LRRTM4: variants seen among roughly 807,000 people sequenced by gnomAD.
The protein encoded by LRRTM4 is leucine-rich repeat transmembrane neuronal protein 4.
LRRTM4 carries 25 observed loss-of-function variants against 47.6 expected under a neutral mutation model. The ratio of observed to expected loss-of-function variants is 0.53; its 90% CI spans 0.38 to 0.73. The LOEUF is 0.73. Ranked by LOEUF, LRRTM4 falls within the 30% of genes least tolerant of loss-of-function variation. The pLI is 0.00. For synonymous variants in LRRTM4, 311 were observed against 269.5 expected (o/e 1.15, Z -1.51); for missense variants, 638 against 713.4 (o/e 0.89, Z 1.20).
At chr2:77,467,080 T>C (rs974096765) in intron 3 of LRRTM4, among the ~76,000 whole-genome samples, 7 of 152,182 alleles carry the variant, frequency 4.6e-5, no homozygotes, top group African/African-American at 1.7e-4. Context: ...ACATGCTAAC[T>C]TTTTGTTTAA....
chr2:76,875,783 A>G (rs542914437), intron 3 of LRRTM4, among the ~76,000 whole-genome samples: 12 of 152,302 alleles, frequency 7.9e-5, no homozygotes, highest in Non-Finnish European at 1.8e-4. Flanking sequence ...ATGGTTTGCC[A>G]GATCTTGCTA....
chr2:77,136,175 C>A (rs576384003), intron 3 of LRRTM4, among the ~76,000 whole-genome samples: 3 of 152,234 alleles, frequency 2.0e-5, no homozygotes, highest in East Asian at 3.9e-4. Flanking sequence ...GGACAGACTG[C>A]CTCCTCAAGT....
intron 3 of LRRTM4, among the ~76,000 whole-genome samples, chr2:77,453,068 T>C (rs757292644): frequency 1.3e-5 from 2 of 149,204 alleles, no homozygotes; most frequent in South Asian, 2.1e-4. Context: ...TTATTACTGA[T>C]ATTATTTAAA....
intron 3 of LRRTM4, among the ~76,000 whole-genome samples, chr2:77,045,948 A>C (rs1211701657): frequency 1.3e-5 from 2 of 151,936 alleles, no homozygotes; most frequent in African/African-American, 4.8e-5. Flanking sequence ...TGATTGTTAT[A>C]TCTCTTAAGA....
chr2:77,140,229 A>T (rs1279947984), intron 3 of LRRTM4, among the ~76,000 whole-genome samples: 1 of 152,206 alleles, frequency 6.6e-6, no homozygotes, highest in Non-Finnish European at 1.5e-5. Flanking sequence ...AAACTATACT[A>T]AAATGCTATA....
At chr2:77,517,285 T>C (rs965209773) in intron 3 of LRRTM4, 1 of 983,092 alleles carries the variant, frequency 1.0e-6, no homozygotes, top group Non-Finnish European at 1.2e-6. Context: ...TAATATAACA[T>C]GGAAGGTACA....
At chr2:76,800,203 T>C (rs1410540501) in intron 3 of LRRTM4, among the ~76,000 whole-genome samples, 1 of 146,834 alleles carries the variant, frequency 6.8e-6, no homozygotes, top group Non-Finnish European at 1.5e-5. Context: ...CTTCAAACTA[T>C]ACTACAAGGC....
chr2:77,425,262 T>C (rs1675061655), intron 3 of LRRTM4, among the ~76,000 whole-genome samples: 1 of 152,194 alleles, frequency 6.6e-6, no homozygotes. Context: ...ATTCAGTCTC[T>C]CCATTTCCTG....
At chr2:77,124,318 A>C (rs911883246) in intron 3 of LRRTM4, among the ~76,000 whole-genome samples, 1 of 152,048 alleles carries the variant, frequency 6.6e-6, no homozygotes, top group African/African-American at 2.4e-5. Flanking sequence ...ACAGGAACCA[A>C]GTTAAATACA....
intron 3 of LRRTM4, among the ~76,000 whole-genome samples, chr2:77,086,223 T>G (rs73940296): frequency 0.18 from 27,131 of 151,932 alleles, 3,758 homozygotes; most frequent in East Asian, 0.42. Flanking sequence ...AAGTAGAAAC[T>G]GTTATGTTTA....
At chr2:77,287,376 C>T (rs1676694485) in intron 3 of LRRTM4, among the ~76,000 whole-genome samples, 2 of 151,778 alleles carry the variant, frequency 1.3e-5, no homozygotes, top group African/African-American at 2.4e-5. Context: ...TCTACTCATG[C>T]TTTACCTTAA....
At chr2:76,994,782 A>T (rs567160734) in intron 3 of LRRTM4, among the ~76,000 whole-genome samples, 1 of 152,160 alleles carries the variant, frequency 6.6e-6, no homozygotes, top group African/African-American at 2.4e-5. Flanking sequence ...AAATAATTAC[A>T]TAAAAGTGTA....
chr2:77,172,169 GA>G (rs752198542), intron 3 of LRRTM4, among the ~76,000 whole-genome samples: 3 of 152,160 alleles, frequency 2.0e-5, no homozygotes, highest in Non-Finnish European at 4.4e-5. Context: ...AAGAGATTCT[GA>G]AAAATGTAGT....
intron 3 of LRRTM4, among the ~76,000 whole-genome samples, chr2:77,102,352 T>C (rs1174695966): frequency 6.6e-6 from 1 of 152,184 alleles, no homozygotes; most frequent in Non-Finnish European, 1.5e-5. Context: ...CTCTTAGGTT[T>C]GTTAATTCCA....
chr2:77,308,724 A>G (rs420051), intron 3 of LRRTM4, among the ~76,000 whole-genome samples: 210 of 151,786 alleles, frequency 1.4e-3, no homozygotes, highest in Non-Finnish European at 2.1e-3. Context: ...TTGCTAAAAG[A>G]CCTACTGTCT....
At chr2:77,373,042 T>C (rs1192060293) in intron 3 of LRRTM4, among the ~76,000 whole-genome samples, 1 of 147,074 alleles carries the variant, frequency 6.8e-6, no homozygotes, top group Non-Finnish European at 1.5e-5. Flanking sequence ...TAAACTCTGA[T>C]GCAACACTTC....
At chr2:76,791,898 A>G (rs1278053983) in intron 3 of LRRTM4, among the ~76,000 whole-genome samples, 2 of 152,192 alleles carry the variant, frequency 1.3e-5, no homozygotes, top group African/African-American at 2.4e-5. Context: ...TTTTGAGGAA[A>G]AGCAAAATGA....
chr2:77,001,542 A>C (rs1489634137), intron 3 of LRRTM4, among the ~76,000 whole-genome samples: 1 of 152,134 alleles, frequency 6.6e-6, no homozygotes, highest in African/African-American at 2.4e-5. Flanking sequence ...TATGGATAGA[A>C]GGCAAGAACA....
At chr2:77,236,353 T>C (rs914636043) in intron 3 of LRRTM4, among the ~76,000 whole-genome samples, 3 of 152,162 alleles carry the variant, frequency 2.0e-5, no homozygotes, top group African/African-American at 4.8e-5. Context: ...CTGATTTTTG[T>C]ACATTGATTG....
Sources: allele counts gnomAD v4.1 joint callset (sites outside exome capture counted in the v4.1 genomes callset), GRCh38; gene constraint gnomAD v4.1.1; transcripts MANE v1.5; gene names NCBI Gene and HGNC (gene_info 2026-07-23, HGNC 2026-07-21).